BNC2: variants seen among roughly 807,000 people sequenced by gnomAD.
The protein encoded by BNC2 is basonuclin zinc finger protein 2.
BNC2 carries 20 observed loss-of-function variants against 76.3 expected under a neutral mutation model. That is an observed-to-expected ratio of 0.26 (90% CI 0.18 to 0.38). The LOEUF (loss-of-function observed/expected upper bound fraction) is 0.38, where lower values mean the gene tolerates loss of function less well. Ranked by LOEUF, BNC2 falls within the 10% of genes least tolerant of loss-of-function variation. The pLI is 1.00. For synonymous variants in BNC2, 582 were observed against 514.8 expected (o/e 1.13, Z -1.77); for missense variants, 1,382 against 1,399.8 (o/e 0.99, Z 0.20).
At chr9:16,727,578 G>A in intron 3 of BNC2, 2 of 556,710 alleles carry the variant, frequency 3.6e-6, no homozygotes, top group Non-Finnish European at 6.3e-6. Flanking sequence ...TTTTACTTCG[G>A]TATCCTTTCC....
intron 6 of BNC2, among the ~76,000 whole-genome samples, chr9:16,424,031 G>GCC (rs1333116491): frequency 2.6e-5 from 4 of 152,078 alleles, no homozygotes; most frequent in African/African-American, 9.7e-5. Context: ...CTGTTCCTTT[G>GCC]ATGAAAACTT....
At chr9:16,488,246 T>G (rs1822206527) in intron 5 of BNC2, among the ~76,000 whole-genome samples, 1 of 152,166 alleles carries the variant, frequency 6.6e-6, no homozygotes, top group Non-Finnish European at 1.5e-5. Flanking sequence ...ACGTACTATA[T>G]CTTGATATTC....
At chr9:16,471,058 C>A (rs750337772) in intron 5 of BNC2, among the ~76,000 whole-genome samples, 11 of 152,116 alleles carry the variant, frequency 7.2e-5, no homozygotes, top group Non-Finnish European at 1.5e-4. Context: ...GCCACAAGGG[C>A]GGAGCTGCCC....
chr9:16,632,626 T>G (rs1195453273), intron 3 of BNC2, among the ~76,000 whole-genome samples: 2 of 152,220 alleles, frequency 1.3e-5, no homozygotes, highest in African/African-American at 4.8e-5. Flanking sequence ...GGCCATTTTA[T>G]ATAAGCCATA....
intron 2 of BNC2, among the ~76,000 whole-genome samples, chr9:16,735,230 A>AC (rs1824630092): frequency 6.6e-6 from 1 of 152,186 alleles, no homozygotes; most frequent in Non-Finnish European, 1.5e-5. Context: ...ACAAAAGGTC[A>AC]AACATTTTAC....
chr9:16,452,963 GAAAAC>G (rs915503095), intron 5 of BNC2, among the ~76,000 whole-genome samples: 1 of 152,092 alleles, frequency 6.6e-6, no homozygotes, highest in African/African-American at 2.4e-5. Flanking sequence ...TCTGAATTCT[GAAAAC>G]AAAACAAAAC....
chr9:16,454,096 T>C (rs995444881), intron 5 of BNC2, among the ~76,000 whole-genome samples: 2 of 152,184 alleles, frequency 1.3e-5, no homozygotes, highest in Admixed American at 6.5e-5. Flanking sequence ...TCTCTCTCTC[T>C]TGAATTCTGT....
intron 1 of BNC2, among the ~76,000 whole-genome samples, chr9:16,811,230 C>CAAAAAAAAAAAAAAAAAAAAAAA (rs58068661): frequency 3.1e-5 from 3 of 97,536 alleles, no homozygotes; most frequent in African/African-American, 7.5e-5. Context: ...CTCAAAAGAC[C>CAAAAAAAAAAAAAAAAAAAAAAA]AAAAAAAAAA....
At chr9:16,866,684 A>AAC (rs1819553421) in intron 1 of BNC2, among the ~76,000 whole-genome samples, 1 of 148,072 alleles carries the variant, frequency 6.8e-6, no homozygotes, top group Non-Finnish European at 1.5e-5. Context: ...AAAAAAAAAA[A>AAC]ACCATAATAG....
intron 1 of BNC2, among the ~76,000 whole-genome samples, chr9:16,755,606 C>A (rs1825362285): frequency 6.6e-6 from 1 of 152,104 alleles, no homozygotes; most frequent in Non-Finnish European, 1.5e-5. Context: ...GGGTTCAGTA[C>A]TACCTGTTGA....
intron 3 of BNC2, among the ~76,000 whole-genome samples, chr9:16,604,624 G>A (rs978108520): frequency 6.6e-5 from 10 of 151,838 alleles, no homozygotes; most frequent in Non-Finnish European, 4.4e-5. Context: ...TGGCAAAACC[G>A]CAGCTCTACT....
intron 5 of BNC2, among the ~76,000 whole-genome samples, chr9:16,459,577 G>A (rs1019330787): frequency 6.6e-6 from 1 of 151,802 alleles, no homozygotes; most frequent in African/African-American, 2.4e-5. Flanking sequence ...AGAAACACAA[G>A]CAATACACGG....
At chr9:16,738,085 GAAGT>G (rs1389053208) in intron 2 of BNC2, among the ~76,000 whole-genome samples, 48 of 152,262 alleles carry the variant, frequency 3.2e-4, no homozygotes, top group Admixed American at 2.9e-3. Flanking sequence ...AAGGAAAAGA[GAAGT>G]AAGTGCAGGG....
At chr9:16,847,255 G>C (rs544833559) in intron 1 of BNC2, among the ~76,000 whole-genome samples, 4 of 152,220 alleles carry the variant, frequency 2.6e-5, no homozygotes, top group African/African-American at 9.6e-5. Flanking sequence ...ATATGACAGA[G>C]AACTTAAACC....
chr9:16,739,459 A>G (rs528129387), intron 1 of BNC2, among the ~76,000 whole-genome samples: 14 of 152,232 alleles, frequency 9.2e-5, no homozygotes, highest in Non-Finnish European at 1.8e-4. Context: ...ACCTAAAGTC[A>G]GGAGTTCGAG....
At chr9:16,811,828 G>A (rs1461410660) in intron 1 of BNC2, among the ~76,000 whole-genome samples, 1 of 152,178 alleles carries the variant, frequency 6.6e-6, no homozygotes, top group Non-Finnish European at 1.5e-5. Flanking sequence ...GTAAAACATT[G>A]GTGGGCCTGA....
At chr9:16,692,626 G>A (rs1477276753) in intron 3 of BNC2, among the ~76,000 whole-genome samples, 1 of 152,132 alleles carries the variant, frequency 6.6e-6, no homozygotes, top group African/African-American at 2.4e-5. Context: ...TTGAGACCAC[G>A]ATGGAAGCCG....
chr9:16,710,120 AT>A (rs1305189708), intron 3 of BNC2, among the ~76,000 whole-genome samples: 1 of 91,342 alleles, frequency 1.1e-5, no homozygotes, highest in Admixed American at 1.0e-4. Context: ...AACGTTCAAC[AT>A]TTAAAAAAAA....
intron 1 of BNC2, among the ~76,000 whole-genome samples, chr9:16,776,316 T>A (rs369203817): frequency 2.0e-3 from 302 of 152,236 alleles, no homozygotes; most frequent in African/African-American, 6.9e-3. Context: ...ATTTTTGTAT[T>A]TTTAGTAGAG....
Sources: gnomAD v4.1 joint callset for allele counts (sites outside exome capture counted in the v4.1 genomes callset) on GRCh38, gnomAD v4.1.1 for gene constraint, MANE v1.5 for transcripts, NCBI Gene and HGNC (gene_info 2026-07-23, HGNC 2026-07-21) for gene names.